RASSF3: variants seen among roughly 807,000 people sequenced by gnomAD.
The protein encoded by RASSF3 is Ras association domain family member 3.
Under a neutral mutation model 19.9 loss-of-function variants are expected in RASSF3, and 19 were observed. The ratio of observed to expected loss-of-function variants is 0.96; its 90% CI spans 0.67 to 1.40. RASSF3 has a LOEUF of 1.40. Ranked by LOEUF, RASSF3 falls within the 40% of genes most tolerant of loss-of-function variation. The pLI, the probability that RASSF3 is intolerant of heterozygous loss-of-function variation, is 0.00. For synonymous variants in RASSF3, 110 were observed against 104.2 expected (o/e 1.06, Z -0.34); for missense variants, 306 against 289.8 (o/e 1.06, Z -0.41).
rs1288702479 is a variant in RASSF3 at position 64,520,551 on chromosome 12, CACACATATATATATATATATAT to C, written c.169+13224_169+13245del. Among the ~76,000 whole-genome samples, 1,093 of 120,138 alleles carry C rather than the reference CACACATATATATATATATATAT, an allele frequency of 9.1e-3. 14 individuals are homozygous for C. Among genetic ancestry groups the C allele is most frequent in the African/African-American group, 0.032 (1,045 of 32,604 alleles). 78.8% of individuals were successfully genotyped at this position (120,138 alleles called of 152,430 possible). A position where few individuals can be genotyped will look rare whatever the true frequency, so the allele number is the denominator to read the frequency against. The stretch of plus-strand genomic sequence containing the variant: ...GTATACACACACAGATACACACATA[CACACATATATATATATATATAT>C]ATATATATATATATATATATATGCA... On this transcript the variant is annotated intron_variant, in intron 1 of 5. Transcript: ENST00000637125.
At chr12:64,598,632 TCTTA>T (rs541828846) in intron 2 of RASSF3, among the ~76,000 whole-genome samples, 210 of 152,332 alleles carry the variant, frequency 1.4e-3, no homozygotes, top group Admixed American at 2.5e-3. Flanking sequence ...CTGTTAGGTC[TCTTA>T]CTTGTATTTA....
intron 1 of RASSF3, among the ~76,000 whole-genome samples, chr12:64,674,086 G>T (rs983186674): frequency 6.6e-6 from 1 of 152,154 alleles, no homozygotes; most frequent in Admixed American, 6.6e-5. Context: ...TGCTGGGCCT[G>T]TTCCTGCTTT....
intron 2 of RASSF3, among the ~76,000 whole-genome samples, chr12:64,585,279 C>G (rs1424316926): frequency 6.6e-6 from 1 of 152,132 alleles, no homozygotes; most frequent in Non-Finnish European, 1.5e-5. Flanking sequence ...CCTTAGAAGG[C>G]CCTCATGATC....
In RASSF3 at chr12:64,586,146, G is replaced by T. The variant is rs182334825; in HGVS notation, c.294+44441G>T. On this transcript the variant is annotated intron_variant, in intron 2 of 5. Coordinates refer to the RASSF3 transcript ENST00000637125. ...TTGAGACCAGCCTGGCCAACATGGC[G>T]AAACCCTGTCTCACTAAAAATACAA... 3.7e-3 allele frequency among the ~76,000 whole-genome samples: 560 copies of T among 152,118 alleles called. 18 individuals are homozygous for T. The highest frequency in any genetic ancestry group is 9.2e-4 in the Admixed American group (14 of 15,268).
intron 1 of RASSF3, among the ~76,000 whole-genome samples, chr12:64,510,873 A>G (rs1868324156): frequency 6.6e-6 from 1 of 152,212 alleles, no homozygotes; most frequent in South Asian, 2.1e-4. Flanking sequence ...TGGGAAGATC[A>G]AGGGACTTCA....
chr12:64,641,339 T>A (rs148213874), intron 1 of RASSF3, among the ~76,000 whole-genome samples: 1 of 150,962 alleles, frequency 6.6e-6, no homozygotes, highest in East Asian at 1.9e-4. Flanking sequence ...GAGGTTGCAG[T>A]GAGCCGAGAC....
Position 64,688,332 on chromosome 12 carries a change from A to C in RASSF3, c.336A>C (p.Thr112=). The C allele has an allele frequency of 6.2e-7, 1 of 1,613,180 alleles. No individual in the cohort carries two copies. The highest frequency in any genetic ancestry group is 8.5e-7 in the Non-Finnish European group (1 of 1,179,094). The change falls in exon 3 of 5, where the codon ACA becomes ACC. Residue 112 remains threonine (T), a synonymous_variant. Coordinates refer to ENST00000542104, the MANE Select transcript of RASSF3 (RefSeq NM_178169.4). ...LSPSSNGCMN[T]LHISSTNTVG... ...CCAGTAGCAATGGCTGTATGAATAC[A>C]CTTCATATCAGCAGCACAAACACTG... is the stretch of plus-strand genomic sequence containing the variant.
At chr12:64,596,363 C>T (rs1869999114) in intron 2 of RASSF3, among the ~76,000 whole-genome samples, 1 of 152,198 alleles carries the variant, frequency 6.6e-6, no homozygotes, top group Non-Finnish European at 1.5e-5. Context: ...CCCTTGGCTC[C>T]TGTGTTAGTC....
chr12:64,545,716 C>T (rs1017076190), downstream of RASSF3, among the ~76,000 whole-genome samples: 4 of 152,072 alleles, frequency 2.6e-5, no homozygotes, highest in South Asian at 8.3e-4. Context: ...TCACTGGAGC[C>T]CAGGAGTTCG....
chr12:64,594,417 C>G (rs1213957412), intron 2 of RASSF3, among the ~76,000 whole-genome samples: 1 of 152,016 alleles, frequency 6.6e-6, no homozygotes. Flanking sequence ...TCTCCTCCCA[C>G]CAATAAAGTT....
upstream of RASSF3, among the ~76,000 whole-genome samples, chr12:64,608,673 T>C (rs1016298748): frequency 4.6e-5 from 7 of 152,230 alleles, no homozygotes; most frequent in Non-Finnish European, 2.9e-5. Context: ...TATTTTCCCC[T>C]TTCTACCCAC....
At chr12:64,533,204 G>A (rs1001062189), upstream of RASSF3, 4 of 152,242 alleles carry the variant, frequency 2.6e-5, no homozygotes, top group African/African-American at 4.8e-5. Flanking sequence ...AGGCCTGGCC[G>A]GCTCAGCCTG....
chr12:64,567,486 G>T (rs2136128559), intron 2 of RASSF3, among the ~76,000 whole-genome samples: 1 of 152,178 alleles, frequency 6.6e-6, no homozygotes, highest in East Asian at 1.9e-4. Context: ...CTCAGCCCTG[G>T]CCCCTCAAAC....
In RASSF3 at chr12:64,569,603, C is replaced by T. The variant is rs116395200; in HGVS notation, c.294+27898C>T. On this transcript the variant is annotated intron_variant, in intron 2 of 5. Coordinates refer to the RASSF3 transcript ENST00000637125. ...AATTCTGTGGGCTGATCCAAGAATACGAGTATCTTAAAGTCATTGTTCTTA... is the reference window on the plus strand; with the variant it reads ...AATTCTGTGGGCTGATCCAAGAATATGAGTATCTTAAAGTCATTGTTCTTA... Among the ~76,000 whole-genome samples the T allele has an allele frequency of 1.6e-3, 251 of 152,314 alleles. 1 individual carries two copies. Among genetic ancestry groups the T allele is most frequent in the African/African-American group, 5.8e-3 (243 of 41,580 alleles).
At chr12:64,673,356 A>AT (rs1404570003) in intron 1 of RASSF3, among the ~76,000 whole-genome samples, 1 of 152,148 alleles carries the variant, frequency 6.6e-6, no homozygotes, top group Admixed American at 6.6e-5. Context: ...AATCGTCTTT[A>AT]TTAATGTTTT....
chr12:64,691,897 C>T (rs544636872), intron 4 of RASSF3, among the ~76,000 whole-genome samples: 31 of 152,098 alleles, frequency 2.0e-4, no homozygotes, highest in Non-Finnish European at 3.8e-4. Context: ...TTCCCACCTC[C>T]AAAATACTCC....
intron 4 of RASSF3, among the ~76,000 whole-genome samples, chr12:64,692,064 AG>A (rs1868295320): frequency 6.6e-6 from 1 of 152,142 alleles, no homozygotes; most frequent in South Asian, 2.1e-4. Flanking sequence ...CCCCTTGCCC[AG>A]TCAACTGATT....
At chr12:64,639,157 T>C (rs913730242) in intron 1 of RASSF3, among the ~76,000 whole-genome samples, 1 of 152,230 alleles carries the variant, frequency 6.6e-6, no homozygotes, top group African/African-American at 2.4e-5. Context: ...TGATTTTTTT[T>C]GAAGCTGTAA....
chr12:64,509,902 C>T (rs945339045), intron 1 of RASSF3, among the ~76,000 whole-genome samples: 1 of 151,998 alleles, frequency 6.6e-6, no homozygotes, highest in Non-Finnish European at 1.5e-5. Context: ...GCCTGGCCAC[C>T]GCGGTGAAAC....
Sources: gnomAD v4.1 joint callset for allele counts (sites outside exome capture counted in the v4.1 genomes callset) on GRCh38, gnomAD v4.1.1 for gene constraint, MANE v1.5 for transcripts, NCBI Gene and HGNC (gene_info 2026-07-23, HGNC 2026-07-21) for gene names.